Variants in ENKUR observed in about 807,000 individuals in gnomAD.
ENKUR encodes enkurin.
A neutral mutation model predicts 27.6 loss-of-function variants in ENKUR; 19 were observed. The observed-to-expected ratio is 0.69, with a 90% CI of 0.48 to 1.01. The LOEUF (loss-of-function observed/expected upper bound fraction) is 1.01, where lower values mean the gene tolerates loss of function less well. ENKUR is among the 50% of genes least tolerant of loss of function. The pLI, the probability that ENKUR is intolerant of heterozygous loss-of-function variation, is 0.00. For synonymous variants in ENKUR, 117 were observed against 96.9 expected (o/e 1.21, Z -1.22); for missense variants, 312 against 310.5 (o/e 1.00, Z -0.04).
At chr10:24,984,510 A>C (rs1849737538) in intron 5 of ENKUR, 134 bp from the exon 6 acceptor site, 6 of 1,234,558 alleles carry the variant, frequency 4.9e-6, no homozygotes, top group Non-Finnish European at 6.6e-6. Flanking sequence ...CATATTCTCA[A>C]ATTTAATAGT....
chr10:24,987,108 T>C (rs1268540144), intron 4 of ENKUR, among the ~76,000 whole-genome samples: 1 of 152,148 alleles, frequency 6.6e-6, no homozygotes, highest in Admixed American at 6.5e-5. Flanking sequence ...AGAGTGAGGT[T>C]GGGGCATTTC....
Position 24,983,553 on chromosome 10 carries a change from T to C in ENKUR, c.*817A>G, listed in dbSNP as rs1312497119. ...CATATATTATCCTTTATTTTATATC[T>C]GCCCTAAGTTAATAAAGGAATAAAG... On this transcript the variant is annotated 3_prime_UTR_variant, in exon 6 of 6. Coordinates refer to ENST00000331161, the MANE Select transcript of ENKUR (RefSeq NM_145010.4). The C allele has an allele frequency of 1.3e-5, 2 of 152,224 alleles. No individual in the cohort carries two copies. Among genetic ancestry groups the C allele is most frequent in the African/African-American group, 4.8e-5 (2 of 41,454 alleles). The allele number at this position is 152,224 out of a possible 1,614,324, so 9.4% of individuals were successfully genotyped here. A position where few individuals can be genotyped will look rare whatever the true frequency, so the allele number is the denominator to read the frequency against.
At chr10:24,994,798 G>C (rs1850008452) in intron 3 of ENKUR, among the ~76,000 whole-genome samples, 2 of 151,980 alleles carry the variant, frequency 1.3e-5, no homozygotes, top group African/African-American at 4.8e-5. Context: ...GAGGTGGGTG[G>C]ATCACTTGAG....
chr10:25,043,756 C>A (rs1007500120), intron 2 of ENKUR, among the ~76,000 whole-genome samples: 1 of 152,122 alleles, frequency 6.6e-6, no homozygotes. Flanking sequence ...CTAAGGTTCT[C>A]AAGGCTCTGT....
upstream of ENKUR, among the ~76,000 whole-genome samples, chr10:25,020,761 T>G (rs1350150791): frequency 6.6e-6 from 1 of 151,410 alleles, no homozygotes; most frequent in Admixed American, 6.6e-5. Context: ...AAAAAATTAC[T>G]GCTCATGAAA....
chr10:25,043,405 A>G (rs1588682951), intron 2 of ENKUR, among the ~76,000 whole-genome samples: 1 of 152,152 alleles, frequency 6.6e-6, no homozygotes. Context: ...TAATTGTTGA[A>G]TCTCTAATTA....
intron 2 of ENKUR, chr10:25,025,000 C>A (rs758361501): frequency 6.2e-7 from 1 of 1,614,014 alleles, no homozygotes; most frequent in African/African-American, 1.3e-5. Flanking sequence ...ATTATTTAAT[C>A]GATTAGAAAG....
At chr10:24,991,940 C>T (rs1015032061) in intron 3 of ENKUR, among the ~76,000 whole-genome samples, 9 of 152,180 alleles carry the variant, frequency 5.9e-5, no homozygotes, top group Non-Finnish European at 1.3e-4. Flanking sequence ...ACCTGCCCTT[C>T]GGCATGCTCC....
intron 4 of ENKUR, among the ~76,000 whole-genome samples, chr10:24,986,499 A>T (rs1038639506): frequency 2.0e-5 from 3 of 152,240 alleles, no homozygotes; most frequent in African/African-American, 7.2e-5. Context: ...CTATTTCTCC[A>T]CAGCCTTTCA....
chr10:25,046,189 G>T (rs1023564482), intron 2 of ENKUR, among the ~76,000 whole-genome samples: 9 of 152,156 alleles, frequency 5.9e-5, no homozygotes. Context: ...TCACTGAGGA[G>T]ATGGAATATC....
chr10:25,032,327 A>G (rs1588679533), intron 2 of ENKUR, among the ~76,000 whole-genome samples: 1 of 150,178 alleles, frequency 6.7e-6, no homozygotes, highest in African/African-American at 2.5e-5. Context: ...GGGGGGGGCT[A>G]TGATCGTTAC....
At chr10:24,984,526 T>C in intron 5 of ENKUR, 150 bp from the exon 6 acceptor site, 2 of 1,184,460 alleles carry the variant, frequency 1.7e-6, no homozygotes, top group Non-Finnish European at 2.3e-6. Context: ...ATAGTTTATA[T>C]GTGGAAAACG....
chr10:25,005,801 G>A (rs889588122), intron 1 of ENKUR, among the ~76,000 whole-genome samples: 2 of 152,178 alleles, frequency 1.3e-5, no homozygotes, highest in Non-Finnish European at 2.9e-5. Context: ...ACAGGCATAT[G>A]TCATTGAGTA....
At chr10:25,050,499 C>T (rs920838653) in intron 2 of ENKUR, among the ~76,000 whole-genome samples, 5 of 152,206 alleles carry the variant, frequency 3.3e-5, no homozygotes, top group African/African-American at 7.2e-5. Context: ...CGTTAGATTT[C>T]GTGAGACGTA....
intron 4 of ENKUR, among the ~76,000 whole-genome samples, chr10:24,985,888 C>A (rs530197997): frequency 1.1e-4 from 16 of 152,186 alleles, no homozygotes; most frequent in African/African-American, 3.9e-4. Context: ...GGCAACATGG[C>A]AAAACCCTGT....
chr10:25,060,035 G>A (rs1851308502), intron 2 of ENKUR, among the ~76,000 whole-genome samples: 2 of 152,158 alleles, frequency 1.3e-5, no homozygotes, highest in Admixed American at 1.3e-4. Flanking sequence ...TGTCCCAGGT[G>A]AGTGGTTGTC....
intron 2 of ENKUR, among the ~76,000 whole-genome samples, chr10:25,030,278 T>C (rs535266135): frequency 1.3e-5 from 2 of 152,348 alleles, no homozygotes; most frequent in African/African-American, 4.8e-5. Context: ...AATGTTGTGA[T>C]TTTAGCGTGT....
In ENKUR at chr10:25,010,870, G is replaced by C. The variant is rs1182947695; in HGVS notation, c.77+4990C>G. ...TGTTGGACATTTGGGTTGGTTCCAA[G>C]TCTTTGCTATTGTGAATAGTGCCAC... On this transcript the variant is annotated intron_variant, in intron 1 of 5. Coordinates refer to ENST00000331161, the MANE Select transcript of ENKUR (RefSeq NM_145010.4). 2.6e-5 allele frequency among the ~76,000 whole-genome samples: 4 copies of C among 151,684 alleles called. No individual in the cohort carries two copies. In the East Asian group the frequency reaches 7.7e-4, roughly 29 times the overall value.
At chr10:25,054,464 T>TCTTTCTTA (rs1851224952) in intron 2 of ENKUR, among the ~76,000 whole-genome samples, 1 of 90,448 alleles carries the variant, frequency 1.1e-5, no homozygotes, top group South Asian at 4.7e-4. Flanking sequence ...CTCTTTTCTT[T>TCTTTCTTA]CTTTCTTTCT....
Sources: allele counts gnomAD v4.1 joint callset (sites outside exome capture counted in the v4.1 genomes callset), GRCh38; gene constraint gnomAD v4.1.1; transcripts MANE v1.5; gene names NCBI Gene and HGNC (gene_info 2026-07-23, HGNC 2026-07-21).